Variants in EML6 observed in about 807,000 individuals in gnomAD.
EML6 encodes the protein EMAP like 6.
A neutral mutation model predicts 240.1 loss-of-function variants in EML6; 154 were observed. The ratio of observed to expected loss-of-function variants is 0.64; its 90% CI spans 0.56 to 0.73. The LOEUF (loss-of-function observed/expected upper bound fraction) is 0.73. Among genes scored for constraint, EML6 ranks in the 30% least tolerant of loss-of-function variants. The probability of loss-of-function intolerance (pLI) is 0.00; values close to 1 mark genes in which losing one functional copy is unlikely to be tolerated. For missense variants in EML6, 2,964 were observed against 2,474.6 expected (o/e 1.20, Z -4.20); for synonymous variants, 1,148 against 899.0 (o/e 1.28, Z -4.95).
chr2:54,909,995 A>G (rs916842101), intron 24 of EML6, among the ~76,000 whole-genome samples: 1 of 152,130 alleles, frequency 6.6e-6, no homozygotes, highest in Admixed American at 6.6e-5. Context: ...AAACTACTAG[A>G]TATACATAGT....
intron 2 of EML6, among the ~76,000 whole-genome samples, chr2:54,786,804 T>C (rs1195770812): frequency 6.6e-6 from 1 of 152,246 alleles, no homozygotes; most frequent in Non-Finnish European, 1.5e-5. Flanking sequence ...TGTTCTCCCC[T>C]TTCCTCGGAA....
rs2033822 is a variant in EML6, at chr2:54,830,629, G to A, written c.847+1152G>A. Among the ~76,000 whole-genome samples, 1,001 of 152,224 alleles carry A rather than the reference G, an allele frequency of 6.6e-3. 36 individuals are homozygous for A. Among genetic ancestry groups the A allele is most frequent in the Admixed American group, 0.054 (826 of 15,290 alleles). ...GTGGCAGTGCGCGGTGCTCTCTGCCGGCCTTAGGTAGATTTCAAAGGACTG... is the reference window on the plus strand; with the variant it reads ...GTGGCAGTGCGCGGTGCTCTCTGCCAGCCTTAGGTAGATTTCAAAGGACTG... On this transcript the variant is annotated intron_variant, in intron 7 of 41. Transcript: ENST00000356458.
At chr2:54,804,521 G>C (rs537311567) in intron 2 of EML6, among the ~76,000 whole-genome samples, 1 of 152,162 alleles carries the variant, frequency 6.6e-6, no homozygotes, top group African/African-American at 2.4e-5. Flanking sequence ...GAACCTCTGC[G>C]AGTTGATAAA....
chr2:54,960,157 C>A, intron 34 of EML6, 63 bp from the exon 35 acceptor site: 1 of 1,200,888 alleles, frequency 8.3e-7, no homozygotes, highest in Non-Finnish European at 1.2e-6. Flanking sequence ...GGGAGAGGGC[C>A]GGAGGGGGTA....
chr2:54,967,136 GGTCACAAGGGA>G, intron 39 of EML6, 33 bp downstream of exon 39: 2 of 1,396,914 alleles, frequency 1.4e-6, no homozygotes, highest in Non-Finnish European at 2.0e-6. Flanking sequence ...TTGAGGAAAA[GGTCACAAGGGA>G]GTCTCTTGTC....
At chr2:54,870,947 T>A (rs1276459943) in intron 15 of EML6, among the ~76,000 whole-genome samples, 1 of 152,222 alleles carries the variant, frequency 6.6e-6, no homozygotes, top group African/African-American at 2.4e-5. Flanking sequence ...ACTCTACTAT[T>A]ATAATTTTCT....
chr2:54,839,738 C>T (rs1459448857), intron 7 of EML6, among the ~76,000 whole-genome samples: 5 of 152,198 alleles, frequency 3.3e-5, no homozygotes, highest in Admixed American at 6.5e-5. Context: ...TCCTGGCCCT[C>T]TCCTTGCCAG....
At chr2:54,927,709 G>A (rs150880269) in intron 26 of EML6, among the ~76,000 whole-genome samples, 240 of 152,314 alleles carry the variant, frequency 1.6e-3, no homozygotes, top group African/African-American at 5.3e-3. Flanking sequence ...GCTTTTAGTC[G>A]TTACTGATAA....
At chr2:54,837,624 G>C (rs953225248) in intron 7 of EML6, among the ~76,000 whole-genome samples, 9 of 152,308 alleles carry the variant, frequency 5.9e-5, no homozygotes, top group East Asian at 5.8e-4. Context: ...GAGTTTGCCA[G>C]CATGTGACTG....
chr2:54,947,335 G>A (rs542258844), intron 28 of EML6, among the ~76,000 whole-genome samples: 2 of 152,128 alleles, frequency 1.3e-5, no homozygotes, highest in Non-Finnish European at 2.9e-5. Context: ...CAATTTGGTG[G>A]CGATGATGTC....
At chr2:54,735,597 G>C (rs909451339) in intron 2 of EML6, among the ~76,000 whole-genome samples, 1 of 152,194 alleles carries the variant, frequency 6.6e-6, no homozygotes, top group Admixed American at 6.5e-5. Flanking sequence ...TACTGGCCTA[G>C]ATGGAAAATA....
At chr2:54,963,856 G>A (rs1225818006) in intron 36 of EML6, 130 bp from the exon 37 acceptor site, 1 of 759,816 alleles carries the variant, frequency 1.3e-6, no homozygotes, top group East Asian at 2.8e-5. Flanking sequence ...TTTACTCTAA[G>A]AAGCAAGAGA....
At chr2:54,835,100 C>G (rs1490664974) in intron 7 of EML6, among the ~76,000 whole-genome samples, 1 of 152,214 alleles carries the variant, frequency 6.6e-6, no homozygotes, top group Non-Finnish European at 1.5e-5. Context: ...GACTACTTCC[C>G]TCCTCTCCTT....
chr2:54,773,882 C>T (rs1668494953), intron 2 of EML6, among the ~76,000 whole-genome samples: 2 of 152,196 alleles, frequency 1.3e-5, no homozygotes, highest in Admixed American at 6.5e-5. Flanking sequence ...GCTTTGGAGT[C>T]AGATCTAGAT....
chr2:54,949,648 T>C lies in EML6; in HGVS notation c.4083+688T>C, dbSNP rs144680981. On this transcript the variant is annotated intron_variant, in intron 29 of 41. Coordinates refer to ENST00000356458, the MANE Select transcript of EML6 (RefSeq NM_001039753.4). ...CCTCCAGAGTTGGTTTTTTAAAGTA[T>C]ACATCTTCCATGCCTCATGCTGGCC... 2.1e-3 allele frequency among the ~76,000 whole-genome samples: 324 copies of C among 152,346 alleles called. 1 individual carries two copies. Among genetic ancestry groups the C allele is most frequent in the African/African-American group, 7.6e-3 (315 of 41,580 alleles).
chr2:54,779,336 C>T (rs1194525650), intron 2 of EML6, among the ~76,000 whole-genome samples: 1 of 151,558 alleles, frequency 6.6e-6, no homozygotes, highest in African/African-American at 2.4e-5. Flanking sequence ...GTCAGGAGTT[C>T]AAGACCAGCC....
chr2:54,903,612 A>C, intron 24 of EML6, 110 bp downstream of exon 24: 1 of 871,254 alleles, frequency 1.1e-6, no homozygotes, highest in Non-Finnish European at 1.7e-6. Context: ...GGAAAGGGGA[A>C]TCCCACAACA....
intron 28 of EML6, among the ~76,000 whole-genome samples, chr2:54,940,865 C>G (rs375768601): frequency 7.2e-5 from 11 of 152,322 alleles, no homozygotes. Flanking sequence ...TGTTTAACCC[C>G]AGGCAAAAGG....
At chr2:54,881,991 G>T (rs909477535) in intron 17 of EML6, 1 of 152,262 alleles carries the variant, frequency 6.6e-6, no homozygotes, top group African/African-American at 2.4e-5. Flanking sequence ...CTGTGCTGCT[G>T]GTGGCTGTGC....
Sources: gnomAD v4.1 joint callset for allele counts (sites outside exome capture counted in the v4.1 genomes callset) on GRCh38, gnomAD v4.1.1 for gene constraint, MANE v1.5 for transcripts, NCBI Gene and HGNC (gene_info 2026-07-23, HGNC 2026-07-21) for gene names.